Variants in UBE2D4 observed in about 807,000 individuals in gnomAD.
The protein encoded by UBE2D4 is ubiquitin conjugating enzyme E2 D4.
UBE2D4 carries 17 observed loss-of-function variants against 23.0 expected under a neutral mutation model. The observed-to-expected ratio is 0.74, with a 90% CI of 0.51 to 1.11. The LOEUF (loss-of-function observed/expected upper bound fraction) is 1.11, where lower values mean the gene tolerates loss of function less well. Ranked by LOEUF, UBE2D4 falls within the 50% of genes least tolerant of loss-of-function variation. The probability of loss-of-function intolerance (pLI) is 0.00; values close to 1 mark genes in which losing one functional copy is unlikely to be tolerated. For missense variants in UBE2D4, 139 were observed against 181.8 expected (o/e 0.76, Z 1.35); for synonymous variants, 61 against 69.4 (o/e 0.88, Z 0.60).
At chr7:43,938,311 C>G in intron 1 of UBE2D4, 120 bp from the exon 2 acceptor site, 1 of 891,700 alleles carries the variant, frequency 1.1e-6, no homozygotes, top group Non-Finnish European at 1.9e-6. Flanking sequence ...TGTCTCTAAC[C>G]CCCTCCTGAG....
intron 1 of UBE2D4, among the ~76,000 whole-genome samples, chr7:43,933,784 A>T (rs914793583): frequency 6.6e-6 from 1 of 152,142 alleles, no homozygotes; most frequent in African/African-American, 2.4e-5. Context: ...TGGAAATAAG[A>T]TAATACCATA....
chr7:43,952,231 G>A (rs148770045), intron 6 of UBE2D4: 1 of 200,034 alleles, frequency 5.0e-6, no homozygotes, highest in African/African-American at 2.3e-5. Context: ...CTGTACTGAT[G>A]CACACCCCGG....
At chr7:43,935,535 T>C (rs1033574747) in intron 1 of UBE2D4, among the ~76,000 whole-genome samples, 1 of 151,878 alleles carries the variant, frequency 6.6e-6, no homozygotes, top group Non-Finnish European at 1.5e-5. Flanking sequence ...ACATAAGCAA[T>C]ATAAAGGGCC....
At chr7:43,929,946 T>C (rs530192022) in intron 1 of UBE2D4, among the ~76,000 whole-genome samples, 151 of 152,272 alleles carry the variant, frequency 9.9e-4, no homozygotes, top group Non-Finnish European at 1.6e-3. Flanking sequence ...GCTGCCCTTG[T>C]GCATGGAATT....
At chr7:43,951,234 G>A (rs1275321513) in intron 6 of UBE2D4, among the ~76,000 whole-genome samples, 10 of 152,194 alleles carry the variant, frequency 6.6e-5, no homozygotes, top group Non-Finnish European at 1.5e-4. Context: ...ACCCAGAATT[G>A]TAAAATTCCG....
At chr7:43,948,514 G>T in intron 4 of UBE2D4, 118 bp from the exon 5 acceptor site, 1 of 673,996 alleles carries the variant, frequency 1.5e-6, no homozygotes, top group East Asian at 2.6e-5. Flanking sequence ...CCTGCACTGT[G>T]GGGCCAGGTA....
intron 2 of UBE2D4, 106 bp downstream of exon 2, chr7:43,938,600 C>A (rs1394319852): frequency 2.7e-6 from 3 of 1,104,726 alleles, no homozygotes; most frequent in Non-Finnish European, 4.1e-6. Context: ...CTTTGGGAAG[C>A]CAAGGTGGGT....
intron 1 of UBE2D4, among the ~76,000 whole-genome samples, chr7:43,932,364 C>T (rs763746576): frequency 6.6e-6 from 1 of 152,240 alleles, no homozygotes; most frequent in Non-Finnish European, 1.5e-5. Flanking sequence ...CTAAACCAAT[C>T]ACTTCCCACC....
intron 6 of UBE2D4, among the ~76,000 whole-genome samples, chr7:43,951,747 TC>T (rs1193862330): frequency 6.6e-6 from 1 of 152,126 alleles, no homozygotes; most frequent in Non-Finnish European, 1.5e-5. Flanking sequence ...GGTCTTAAAC[TC>T]CTGGACTCGA....
At chr7:43,950,735 A>T in intron 6 of UBE2D4, 43 bp downstream of exon 6, 7 of 1,500,386 alleles carry the variant, frequency 4.7e-6, no homozygotes, top group Non-Finnish European at 6.5e-6. Flanking sequence ...TGGCTGCCCC[A>T]GGCAGCTCCA....
chr7:43,934,830 T>C (rs2095954962), intron 1 of UBE2D4, among the ~76,000 whole-genome samples: 1 of 152,238 alleles, frequency 6.6e-6, no homozygotes, highest in Non-Finnish European at 1.5e-5. Context: ...TAAAAATCTT[T>C]CACAAATCAC....
chr7:43,934,835 A>G (rs190154448), intron 1 of UBE2D4, among the ~76,000 whole-genome samples: 27 of 152,340 alleles, frequency 1.8e-4, no homozygotes, highest in Admixed American at 3.3e-4. Flanking sequence ...ATCTTTCACA[A>G]ATCACTAATA....
rs1293628302 is a variant in UBE2D4 at position 43,944,666 on chromosome 7, G to C, written c.198+1635G>C. The stretch of plus-strand genomic sequence containing the variant: ...CCTTTTAAGCTTTTAGCAAGGGAGT[G>C]GAGTGTGCTGAGCAGGACAATGACA... On this transcript the variant is annotated intron_variant, in intron 4 of 6. Coordinates refer to ENST00000222402, the MANE Select transcript of UBE2D4 (RefSeq NM_015983.4). The surrounding 1 kb of genome is among the most constrained non-coding windows in gnomAD (Gnocchi z 4.0). The C allele has an allele frequency of 6.6e-6, 1 of 152,180 alleles. No homozygotes were observed. Among genetic ancestry groups the C allele is most frequent in the African/African-American group, 2.4e-5 (1 of 41,430 alleles). 9.4% of individuals were successfully genotyped at this position (152,180 alleles called of 1,614,324 possible).
At chr7:43,933,707 G>T (rs2095952299) in intron 1 of UBE2D4, among the ~76,000 whole-genome samples, 1 of 152,078 alleles carries the variant, frequency 6.6e-6, no homozygotes. Context: ...TGGTGCCAGT[G>T]TACTCCAGTC....
chr7:43,926,667 C>T (rs907398525), intron 1 of UBE2D4, 111 bp downstream of exon 1: 3 of 1,202,430 alleles, frequency 2.5e-6, no homozygotes, highest in South Asian at 1.6e-5. Flanking sequence ...GTCGCGGATA[C>T]ACCTGCCTGG....
intron 4 of UBE2D4, among the ~76,000 whole-genome samples, chr7:43,948,247 T>G (rs1428569003): frequency 6.6e-6 from 1 of 152,248 alleles, no homozygotes; most frequent in African/African-American, 2.4e-5. Context: ...TTTTGGTGTT[T>G]TAGTCATGAA....
intron 2 of UBE2D4, among the ~76,000 whole-genome samples, chr7:43,939,599 CAG>C (rs1299867506): frequency 3.9e-5 from 6 of 152,306 alleles, no homozygotes; most frequent in Admixed American, 2.6e-4. Context: ...GAATCAAAAA[CAG>C]AGTGAGACAG....
chr7:43,948,617 CTCTTG>C lies in UBE2D4; in HGVS notation c.199-10_199-6del. ...CCCTGTGGTTTGTCTGATTGGGGATCTCTTGTCTTTGCAGGTTGCTTTCACAACCA... is the reference window on the plus strand; with the variant it reads ...CCCTGTGGTTTGTCTGATTGGGGATCTCTTTGCAGGTTGCTTTCACAACCA... On this transcript the variant is annotated splice_polypyrimidine_tract_variant and intron_variant, in intron 4 of 6. Coordinates refer to ENST00000222402, the MANE Select transcript of UBE2D4 (RefSeq NM_015983.4). The C allele has an allele frequency of 1.3e-6, 2 of 1,558,566 alleles. No individual in the cohort carries two copies. The highest frequency in any genetic ancestry group is 1.8e-6 in the Non-Finnish European group (2 of 1,132,156).
intron 5 of UBE2D4, chr7:43,949,158 G>A (rs985645235): frequency 4.0e-5 from 10 of 249,204 alleles, no homozygotes; most frequent in Non-Finnish European, 6.1e-5. Context: ...GAAGTTGGTG[G>A]AGAAATCCTC....
Sources: gnomAD v4.1 joint callset for allele counts (sites outside exome capture counted in the v4.1 genomes callset) on GRCh38, gnomAD v4.1.1 for gene constraint, Gnocchi (gnomAD v3.1) non-coding constraint, MANE v1.5 for transcripts, NCBI Gene and HGNC (gene_info 2026-07-23, HGNC 2026-07-21) for gene names.